The following SBF2 variants were observed in gnomAD, a reference collection of about 807,000 sequenced individuals.
SBF2 encodes the protein SET binding factor 2, also known as myotubularin-related protein 13.
In SBF2, 112 loss-of-function variants were observed where a neutral mutation model predicts 225.2. The observed-to-expected ratio is 0.50, with a 90% CI of 0.43 to 0.58. SBF2 has a LOEUF of 0.58. Ranked by LOEUF, SBF2 falls within the 20% of genes least tolerant of loss-of-function variation. The probability of loss-of-function intolerance (pLI) is 0.00; values close to 1 mark genes in which losing one functional copy is unlikely to be tolerated. For synonymous variants in SBF2, 763 were observed against 773.3 expected, an observed-to-expected ratio of 0.99 and a Z score of 0.22; for missense variants, 1,996 against 2,206.2, an observed-to-expected ratio of 0.90 and a Z score of 1.91.
intron 2 of SBF2, among the ~76,000 whole-genome samples, chr11:10,175,120 C>A (rs2135263670): frequency 6.7e-6 from 1 of 149,738 alleles, no homozygotes; most frequent in Non-Finnish European, 1.5e-5. Flanking sequence ...GCAAAATAAC[C>A]AGCTAACATC....
intron 2 of SBF2, among the ~76,000 whole-genome samples, chr11:10,093,382 G>GAAA (rs34568610): frequency 7.9e-6 from 1 of 126,826 alleles, no homozygotes; most frequent in Non-Finnish European, 1.7e-5. Flanking sequence ...TGGTCAGCTG[G>GAAA]AAAAAAAAAA....
At chr11:10,240,179 C>G (rs1277863321) in intron 1 of SBF2, among the ~76,000 whole-genome samples, 1 of 151,140 alleles carries the variant, frequency 6.6e-6, no homozygotes, top group Admixed American at 6.6e-5. Context: ...AGATGAAACC[C>G]TAGATGAACA....
chr11:9,915,193 A>G (rs1447843804), intron 16 of SBF2, among the ~76,000 whole-genome samples: 6 of 152,172 alleles, frequency 3.9e-5, no homozygotes, highest in Admixed American at 3.9e-4. Flanking sequence ...TCACGCCTGT[A>G]ATCCCAGCAC....
chr11:10,028,383 C>A, intron 6 of SBF2, 69 bp downstream of exon 6: 1 of 971,026 alleles, frequency 1.0e-6, no homozygotes, highest in Non-Finnish European at 1.7e-6. Context: ...GAGGTGATGT[C>A]GACTTAAAAT....
intron 2 of SBF2, among the ~76,000 whole-genome samples, chr11:10,137,676 TTGTC>T (rs1254302521): frequency 6.6e-6 from 1 of 152,166 alleles, no homozygotes; most frequent in African/African-American, 2.4e-5. Context: ...TTTTTTGTCT[TTGTC>T]TGCTTTTGGT....
rs543763680 is a variant in SBF2, at chr11:9,800,448, C to T, written c.4444-4491G>A. Among the ~76,000 whole-genome samples, 76 of 151,828 alleles carry T rather than the reference C, an allele frequency of 5.0e-4. 2 individuals carry two copies. In the South Asian group the frequency reaches 0.014, roughly 27 times the overall value. ...TTGAGATGGAGTCTCGCTCTGTTGCCCAGGCTGGAGTGCAGTGGCGCAGTC... is the reference window on the plus strand; with the variant it reads ...TTGAGATGGAGTCTCGCTCTGTTGCTCAGGCTGGAGTGCAGTGGCGCAGTC... On this transcript the variant is annotated intron_variant, in intron 32 of 39. Coordinates refer to ENST00000256190, the MANE Select transcript of SBF2 (RefSeq NM_030962.4).
chr11:9,808,254 C>T (rs1242468721), intron 31 of SBF2, 69 bp from the exon 32 acceptor site: 1 of 1,346,026 alleles, frequency 7.4e-7, no homozygotes, highest in Admixed American at 1.9e-5. Context: ...AAGATAAAAG[C>T]ACTTCCTTCT....
intron 2 of SBF2, among the ~76,000 whole-genome samples, chr11:10,077,171 G>C (rs371686658): frequency 6.6e-6 from 1 of 152,058 alleles, no homozygotes; most frequent in African/African-American, 2.4e-5. Context: ...ACAAATGGAA[G>C]AACATTCCAT....
chr11:10,098,624 G>T (rs922429531), intron 2 of SBF2, among the ~76,000 whole-genome samples: 12 of 146,356 alleles, frequency 8.2e-5, no homozygotes, highest in Admixed American at 7.4e-4. Flanking sequence ...CAGACAACTC[G>T]ATGCAACCAG....
intron 16 of SBF2, among the ~76,000 whole-genome samples, chr11:9,956,369 T>C (rs180824720): frequency 6.6e-6 from 1 of 152,336 alleles, no homozygotes; most frequent in East Asian, 1.9e-4. Context: ...ATTTCTAAAG[T>C]AGCTATACCA....
intron 16 of SBF2, among the ~76,000 whole-genome samples, chr11:9,901,943 A>T (rs1861754125): frequency 6.6e-6 from 1 of 152,188 alleles, no homozygotes; most frequent in African/African-American, 2.4e-5. Flanking sequence ...CAGGTTTTTA[A>T]AATTATCCCA....
At chr11:9,959,274 A>G in intron 16 of SBF2, 3 of 775,070 alleles carry the variant, frequency 3.9e-6, no homozygotes, top group African/African-American at 1.7e-5. Flanking sequence ...CCCGGTAATG[A>G]GCCTCCACAA....
intron 2 of SBF2, among the ~76,000 whole-genome samples, chr11:10,092,350 T>A (rs1951817517): frequency 6.6e-6 from 1 of 152,150 alleles, no homozygotes. Flanking sequence ...TTATATTTAG[T>A]TTTAAAACAT....
chr11:10,181,161 A>G (rs747750821), intron 2 of SBF2, among the ~76,000 whole-genome samples: 12 of 152,118 alleles, frequency 7.9e-5, no homozygotes, highest in Non-Finnish European at 1.8e-4. Context: ...TATCAGAAAT[A>G]AAGAAAACTT....
intron 2 of SBF2, among the ~76,000 whole-genome samples, chr11:10,192,502 G>C (rs1384024642): frequency 6.6e-6 from 1 of 152,156 alleles, no homozygotes; most frequent in Non-Finnish European, 1.5e-5. Flanking sequence ...GTTCCTGTGG[G>C]TAAGGTGCTG....
At chr11:9,959,314 A>G (rs1866404403) in intron 16 of SBF2, 1 of 775,698 alleles carries the variant, frequency 1.3e-6, no homozygotes, top group Non-Finnish European at 2.4e-6. Flanking sequence ...GTCTGCTCAC[A>G]TACTACAGTT....
intron 38 of SBF2, among the ~76,000 whole-genome samples, chr11:9,783,897 T>G (rs1852196679): frequency 6.6e-6 from 1 of 152,142 alleles, no homozygotes; most frequent in Non-Finnish European, 1.5e-5. Flanking sequence ...GTAGAATAAA[T>G]TAATGCCCTC....
intron 12 of SBF2, 52 bp downstream of exon 12, chr11:9,992,363 T>G: frequency 6.8e-7 from 1 of 1,479,032 alleles, no homozygotes; most frequent in Non-Finnish European, 9.3e-7. Context: ...TACTTTTAAC[T>G]ACTAGTCTAA....
At chr11:10,231,481 T>G (rs1331957405) in intron 1 of SBF2, among the ~76,000 whole-genome samples, 1 of 151,942 alleles carries the variant, frequency 6.6e-6, no homozygotes, top group East Asian at 1.9e-4. Flanking sequence ...TACAGATGGG[T>G]TTTTGGTGTG....
Sources: allele counts gnomAD v4.1 joint callset (sites outside exome capture counted in the v4.1 genomes callset), GRCh38; gene constraint gnomAD v4.1.1; transcripts MANE v1.5; gene names NCBI Gene and HGNC (gene_info 2026-07-23, HGNC 2026-07-21).